SLC26A4: variants seen among roughly 807,000 people sequenced by gnomAD.
SLC26A4 encodes solute carrier family 26 member 4, also known as pendrin.
SLC26A4 carries 93 observed loss-of-function variants against 90.4 expected under a neutral mutation model. The ratio of observed to expected loss-of-function variants is 1.03; its 90% confidence interval spans 0.87 to 1.22. The LOEUF (loss-of-function observed/expected upper bound fraction) is 1.22. Among genes scored for constraint, SLC26A4 ranks in the 50% most tolerant of loss-of-function variants. SLC26A4 has a pLI of 0.00. For missense variants in SLC26A4, 1,127 were observed against 946.2 expected (o/e 1.19, Z -2.51); for synonymous variants, 393 against 354.6 (o/e 1.11, Z -1.22).
At chr7:107,691,798 A>T (rs1262020993) in intron 10 of SLC26A4, 1 of 1,014,026 alleles carries the variant, frequency 9.9e-7, no homozygotes, top group Non-Finnish European at 1.2e-6. Context: ...AAATATTTCC[A>T]GCTCTGAGGG....
intron 18 of SLC26A4, among the ~76,000 whole-genome samples, chr7:107,707,144 A>T (rs1792056419): frequency 1.3e-5 from 2 of 151,710 alleles, no homozygotes; most frequent in African/African-American, 2.4e-5. Context: ...CTCAAAAAAT[A>T]AAAAAAAAGT....
At chr7:107,713,958 G>C (rs1462201267) in intron 20 of SLC26A4, among the ~76,000 whole-genome samples, 1 of 151,868 alleles carries the variant, frequency 6.6e-6, no homozygotes, top group Non-Finnish European at 1.5e-5. Context: ...TCTGTCACCT[G>C]GACTGGAGTG....
At chr7:107,663,206 A>G (rs1273679497) in intron 2 of SLC26A4, 90 bp from the exon 3 acceptor site, 11 of 1,335,556 alleles carry the variant, frequency 8.2e-6, no homozygotes, top group African/African-American at 4.3e-5. Flanking sequence ...AGTTATAAAC[A>G]TCAGCAGAAT....
intron 3 of SLC26A4, among the ~76,000 whole-genome samples, chr7:107,669,131 T>C (rs1790795795): frequency 6.6e-6 from 1 of 152,116 alleles, no homozygotes; most frequent in South Asian, 2.1e-4. Context: ...CTAATTTGTG[T>C]ATTTTTAGTA....
intron 18 of SLC26A4, among the ~76,000 whole-genome samples, chr7:107,709,445 A>C (rs772664562): frequency 1.3e-5 from 2 of 151,992 alleles, no homozygotes; most frequent in African/African-American, 2.4e-5. Context: ...TAATTTTTGT[A>C]TTTTTTTATA....
At chr7:107,697,626 A>C (rs1341240789) in intron 13 of SLC26A4, among the ~76,000 whole-genome samples, 1 of 152,208 alleles carries the variant, frequency 6.6e-6, no homozygotes, top group East Asian at 1.9e-4. Context: ...GGGGTTAAAG[A>C]CAGAGGCTCT....
intron 8 of SLC26A4, among the ~76,000 whole-genome samples, chr7:107,688,353 T>C (rs1791476363): frequency 6.6e-6 from 1 of 152,180 alleles, no homozygotes; most frequent in Non-Finnish European, 1.5e-5. Flanking sequence ...TGGATAGTCA[T>C]CAAGATATAG....
In SLC26A4 at chr7:107,712,626, T is replaced by C; in HGVS notation, c.2319+4T>C. 2 of 1,465,312 alleles carry C rather than the reference T, an allele frequency of 1.4e-6. No homozygotes were observed. Among genetic ancestry groups the C allele is most frequent in the Non-Finnish European group, 1.9e-6 (2 of 1,044,570 alleles). The allele number at this position is 1,465,312 out of a possible 1,614,324, so 90.8% of individuals were successfully genotyped here. The stretch of plus-strand genomic sequence containing the variant: ...AGAACTTGATGTCCAGGATGAGGTA[T>C]GATCATTTTCTTCTGAAGAAAATAT... On this transcript the variant is annotated splice_donor_region_variant and intron_variant, in intron 20 of 20. Transcript: ENST00000644269.
At chr7:107,704,443 A>G (rs902097947) in intron 18 of SLC26A4, 58 bp downstream of exon 18, 3 of 772,168 alleles carry the variant, frequency 3.9e-6, no homozygotes, top group South Asian at 1.5e-5. Context: ...CCTTTCTCCT[A>G]TCTGGGACTG....
chr7:107,709,072 T>C (rs935864881), intron 18 of SLC26A4, among the ~76,000 whole-genome samples: 1 of 152,060 alleles, frequency 6.6e-6, no homozygotes, highest in Non-Finnish European at 1.5e-5. Flanking sequence ...GGGAGCAGGA[T>C]AGGGAAGGGG....
chr7:107,675,864 G>T (rs371399919), intron 6 of SLC26A4, among the ~76,000 whole-genome samples: 1 of 151,352 alleles, frequency 6.6e-6, no homozygotes, highest in African/African-American at 2.4e-5. Context: ...GAGCCACCGC[G>T]CCCGGCCTGG....
At chr7:107,693,318 C>T (rs1405461032) in intron 10 of SLC26A4, 8 of 985,146 alleles carry the variant, frequency 8.1e-6, no homozygotes, top group Admixed American at 6.2e-5. Flanking sequence ...CTTTTTAGTA[C>T]CTCATACACA....
At chr7:107,695,637 T>C (rs937381272) in intron 12 of SLC26A4, among the ~76,000 whole-genome samples, 5 of 152,128 alleles carry the variant, frequency 3.3e-5, no homozygotes, top group Non-Finnish European at 7.4e-5. Context: ...ACCTTGTCTC[T>C]ACTACAAATA....
At chr7:107,709,947 G>T in intron 18 of SLC26A4, 107 bp from the exon 19 acceptor site, 1 of 877,524 alleles carries the variant, frequency 1.1e-6, no homozygotes, top group South Asian at 1.5e-5. Flanking sequence ...AGTGAGCAAT[G>T]ATGCCACTGC....
chr7:107,669,283 T>G (rs1232971453), intron 3 of SLC26A4, among the ~76,000 whole-genome samples: 1 of 152,202 alleles, frequency 6.6e-6, no homozygotes, highest in Non-Finnish European at 1.5e-5. Context: ...ATTGTGTAAT[T>G]TTAAAACTGT....
At chr7:107,693,415 T>C in intron 10 of SLC26A4, 1 of 985,412 alleles carries the variant, frequency 1.0e-6, no homozygotes, top group Non-Finnish European at 1.2e-6. Flanking sequence ...ATTTTCTGTT[T>C]ATATTTGCTG....
At chr7:107,683,403 C>T (rs930433101) in intron 7 of SLC26A4, 49 bp downstream of exon 7, 19 of 1,609,222 alleles carry the variant, frequency 1.2e-5, no homozygotes, top group Non-Finnish European at 1.5e-5. Context: ...GGTTGACAAA[C>T]AAGGAATTAT....
intron 2 of SLC26A4, 121 bp from the exon 3 acceptor site, chr7:107,663,175 A>G (rs942276951): frequency 6.1e-6 from 7 of 1,146,762 alleles, no homozygotes; most frequent in Non-Finnish European, 9.2e-6. Context: ...TTTCCAGGAA[A>G]TACTTATCCT....
intron 14 of SLC26A4, among the ~76,000 whole-genome samples, chr7:107,698,574 C>T (rs561521257): frequency 6.6e-6 from 1 of 152,256 alleles, no homozygotes; most frequent in East Asian, 1.9e-4. Context: ...GTCTTGGCCT[C>T]CCAAAGAGTT....
Sources: gnomAD v4.1 joint callset for allele counts (sites outside exome capture counted in the v4.1 genomes callset) on GRCh38, gnomAD v4.1.1 for gene constraint, MANE v1.5 for transcripts, NCBI Gene and HGNC (gene_info 2026-07-23, HGNC 2026-07-21) for gene names.